COL6A2: variants seen among roughly 807,000 people sequenced by gnomAD.
The protein encoded by COL6A2 is collagen alpha-2(VI) chain.
In COL6A2, 90 loss-of-function variants were observed where a neutral mutation model predicts 124.9. That is an observed-to-expected ratio of 0.72 (90% CI 0.61 to 0.86). The LOEUF (loss-of-function observed/expected upper bound fraction) is 0.86, where lower values mean the gene tolerates loss of function less well. Among genes scored for constraint, COL6A2 ranks in the 40% least tolerant of loss-of-function variants. COL6A2 has a pLI of 0.00. For missense variants in COL6A2, 1,607 were observed against 1,502.5 expected, an observed-to-expected ratio of 1.07 and a Z score of -1.15; for synonymous variants, 793 against 618.2, an observed-to-expected ratio of 1.28 and a Z score of -4.19.
chr21:46,132,645 T>A lies in COL6A2; in HGVS notation c.*93T>A. Reference sequence around the variant, plus strand: ...GGTCCCACACGGCCAGCACCGCTGCTCACTCGGACGACGCCCTGGGCCTGC... The same window carrying A: ...GGTCCCACACGGCCAGCACCGCTGCACACTCGGACGACGCCCTGGGCCTGC... On this transcript the variant is annotated 3_prime_UTR_variant, in exon 28 of 28. Transcript: ENST00000300527. 1 of 1,285,312 alleles carries A rather than the reference T, an allele frequency of 7.8e-7. No homozygotes were observed. The highest frequency in any genetic ancestry group is 1.1e-6 in the Non-Finnish European group (1 of 919,936). 79.6% of individuals were successfully genotyped at this position (1,285,312 alleles called of 1,614,324 possible).
intron 13 of COL6A2, 41 bp from the exon 14 acceptor site, chr21:46,118,989 C>T (rs748134745): frequency 8.9e-6 from 13 of 1,462,792 alleles, no homozygotes; most frequent in South Asian, 5.7e-5. Flanking sequence ...TGCCTCAGGG[C>T]CCCTGCCTCT....
intron 27 of COL6A2, among the ~76,000 whole-genome samples, chr21:46,128,523 C>G (rs958287874): frequency 7.9e-5 from 12 of 151,288 alleles, no homozygotes; most frequent in African/African-American, 2.9e-4. Context: ...CCCTGTCCAC[C>G]CCAAAGCCCA....
Position 46,125,809 on chromosome 21 carries a change from A to G in COL6A2, c.1994A>G (p.Tyr665Cys). 6.2e-7 allele frequency: 1 copy of G among 1,612,116 alleles called. No homozygotes were observed. The highest frequency in any genetic ancestry group is 8.5e-7 in the Non-Finnish European group (1 of 1,179,694). ...ETGTRVGVVQ[Y>C]SHEGTFEAIQ... is the part of the protein sequence containing the mutation. ...GGGACGCGTGTGGGCGTGGTGCAGTACAGCCACGAGGGCACCTTTGAGGCC... is the reference window on the plus strand; with the variant it reads ...GGGACGCGTGTGGGCGTGGTGCAGTGCAGCCACGAGGGCACCTTTGAGGCC... Residue 665 changes from tyrosine (Y) to cysteine (C), a missense_variant, in exon 26 of 28, where the codon TAC (tyrosine) becomes TGC (cysteine). Physicochemically the swap from Tyr to Cys is radical, Grantham distance 194. Transcript: ENST00000300527.
chr21:46,128,087 C>T (rs1426341397), intron 27 of COL6A2, among the ~76,000 whole-genome samples: 6 of 152,298 alleles, frequency 3.9e-5, no homozygotes, highest in East Asian at 1.9e-4. Context: ...ACGTGGGCCT[C>T]GTAGGGTCCT....
In COL6A2 at chr21:46,122,537, T is replaced by C; in HGVS notation, c.1608+6T>C. The C allele has an allele frequency of 6.2e-7, 1 of 1,612,596 alleles. No homozygotes were observed. On this transcript the variant is annotated splice_donor_region_variant and intron_variant, in intron 20 of 27. Transcript: ENST00000300527. ...CCGGCCCACGCGGCCCCGAGGTATG[T>C]GTGGGTCCTGGCCACCTGTGCCCAC...
At chr21:46,126,375 G>C (rs989827898) in intron 26 of COL6A2, 128 bp from the exon 27 acceptor site, 15 of 1,513,338 alleles carry the variant, frequency 9.9e-6, no homozygotes, top group Middle Eastern at 3.4e-4. Flanking sequence ...GAAGGGGTCG[G>C]GCCCTCTCGG....
chr21:46,125,829 G>C lies in COL6A2; in HGVS notation c.2014G>C (p.Glu672Gln), dbSNP rs1185879331. The part of the protein sequence containing the change: ...VVQYSHEGTF[E>Q]AIQLDDERID... Reference sequence around the variant, plus strand: ...GCAGTACAGCCACGAGGGCACCTTTGAGGCCATCCAGCTGGACGACGAACG... The same window carrying C: ...GCAGTACAGCCACGAGGGCACCTTTCAGGCCATCCAGCTGGACGACGAACG... The change falls in exon 26 of 28, where the codon GAG (glutamate) becomes CAG (glutamine). Residue 672 changes from glutamate to glutamine, a missense_variant. By Grantham distance (29) the Glu-to-Gln change is conservative. This residue lies in a region of COL6A2 where 1,223 missense variants were observed against 1,052.2 expected (regional missense o/e 1.16). Coordinates refer to ENST00000300527, the MANE Select transcript of COL6A2 (RefSeq NM_001849.4). 1 of 1,612,824 alleles carries C rather than the reference G, an allele frequency of 6.2e-7. No homozygotes were observed. The highest frequency in any genetic ancestry group is 1.1e-5 in the South Asian group (1 of 91,072).
rs1446987348 is a variant in COL6A2, at chr21:46,118,689, G to GCCT, written c.1179+15_1179+17dup. On this transcript the variant is annotated intron_variant, in intron 13 of 27. Coordinates refer to ENST00000300527, the MANE Select transcript of COL6A2 (RefSeq NM_001849.4). Reference sequence around the variant, plus strand: ...CAAGGGAAGCAAGGTGAGCCCCTCTGCCTCTTCGCCTGCAGCTGAGCTGGC... The same window carrying GCCT: ...CAAGGGAAGCAAGGTGAGCCCCTCTGCCTCCTCTTCGCCTGCAGCTGAGCTGGC... The GCCT allele has an allele frequency of 6.9e-6, 11 of 1,605,722 alleles. No individual in the cohort carries two copies. Among genetic ancestry groups the GCCT allele is most frequent in the African/African-American group, 1.3e-5 (1 of 74,910 alleles).
In COL6A2 at chr21:46,125,795, G is replaced by A. The variant is rs201427728; in HGVS notation, c.1980G>A (p.Val660=). ...GCGTGCGGCTTGCAGGGACGCGTGTGGGCGTGGTGCAGTACAGCCACGAGG... is the reference window on the plus strand; with the variant it reads ...GCGTGCGGCTTGCAGGGACGCGTGTAGGCGTGGTGCAGTACAGCCACGAGG... The part of the protein sequence containing the change: ...KDPKSETGTR[V]GVVQYSHEGT... The change falls in exon 26 of 28, where the codon GTG becomes GTA. Residue 660 remains valine (V), a synonymous_variant. Coordinates refer to ENST00000300527, the MANE Select transcript of COL6A2 (RefSeq NM_001849.4). The A allele has an allele frequency of 1.9e-6, 3 of 1,611,590 alleles. No individual in the cohort carries two copies. Among genetic ancestry groups the A allele is most frequent in the Non-Finnish European group, 2.5e-6 (3 of 1,178,956 alleles).
chr21:46,108,110 T>A (rs915277575), intron 1 of COL6A2, among the ~76,000 whole-genome samples: 32 of 151,562 alleles, frequency 2.1e-4, no homozygotes, highest in African/African-American at 6.3e-4. Context: ...ATATATATTT[T>A]TTTTTCTCTT....
chr21:46,132,403 C>A lies in COL6A2; in HGVS notation c.2911C>A (p.Pro971Thr). 1 of 1,609,016 alleles carries A rather than the reference C, an allele frequency of 6.2e-7. No homozygotes were observed. The highest frequency in any genetic ancestry group is 8.5e-7 in the Non-Finnish European group (1 of 1,178,688). ...CTCCATGCGCAAGCAGAACGTGGTA[C>A]CCACCGTGCTGGCCTTGGGCAGCGA... The part of the protein sequence containing the change: ...AHSMRKQNVV[P>T]TVLALGSDVD... The change falls in exon 28 of 28, where the codon CCC becomes ACC. Residue 971 changes from proline (P) to threonine (T), a missense_variant. Pro to Thr is a conservative substitution (Grantham distance 38, BLOSUM62 -1). Coordinates refer to ENST00000300527, the MANE Select transcript of COL6A2 (RefSeq NM_001849.4).
rs886044689 is a variant in COL6A2, at chr21:46,132,059, T to C, written c.2567T>C (p.Val856Ala). 1.2e-6 allele frequency: 2 copies of C among 1,606,524 alleles called. No individual in the cohort carries two copies. Among genetic ancestry groups the C allele is most frequent in the South Asian group, 1.1e-5 (1 of 90,768 alleles). ...EQNFHKARRF[V>A]EQVARRLTLA... ...AACTTCCACAAGGCCCGGCGCTTCG[T>C]GGAGCAGGTGGCGCGGCGGCTGACG... Residue 856 changes from valine (V) to alanine (A), a missense_variant, in exon 28 of 28, where the codon GTG (valine) becomes GCG (alanine). Coordinates refer to ENST00000300527, the MANE Select transcript of COL6A2 (RefSeq NM_001849.4).
chr21:46,115,014 T>A (rs1168957591), intron 5 of COL6A2, among the ~76,000 whole-genome samples: 1 of 152,248 alleles, frequency 6.6e-6, no homozygotes, highest in African/African-American at 2.4e-5. Flanking sequence ...GGATGAGACA[T>A]CTCGAGGCTG....
chr21:46,121,155 T>G (rs745310799), intron 17 of COL6A2, 32 bp downstream of exon 17: 2 of 1,608,588 alleles, frequency 1.2e-6, no homozygotes, highest in Non-Finnish European at 1.7e-6. Context: ...CGGTGCCCTC[T>G]GACCCCACGG....
chr21:46,124,510 G>A (rs1394650619), intron 21 of COL6A2, 141 bp from the exon 22 acceptor site: 8 of 733,922 alleles, frequency 1.1e-5, no homozygotes, highest in African/African-American at 8.8e-5. Flanking sequence ...AGGAGGCACA[G>A]CCTTGTCTTA....
At chr21:46,110,835 G>C (rs929689144) in intron 1 of COL6A2, among the ~76,000 whole-genome samples, 4 of 44,220 alleles carry the variant, frequency 9.0e-5, no homozygotes, top group African/African-American at 2.2e-4. Flanking sequence ...CAAGCCACAG[G>C]GCATCAGGGA....
chr21:46,119,758 C>A, intron 14 of COL6A2, 30 bp from the exon 15 acceptor site: 1 of 1,551,300 alleles, frequency 6.4e-7, no homozygotes, highest in East Asian at 2.4e-5. Context: ...ACTCAGCCCC[C>A]TCCCTCACCC....
chr21:46,117,586 C>T, intron 11 of COL6A2, 133 bp downstream of exon 11: 2 of 946,898 alleles, frequency 2.1e-6, no homozygotes, highest in South Asian at 2.8e-5. Flanking sequence ...CCCAGCAGCC[C>T]CAGCCCAGCA....
In COL6A2 at chr21:46,132,452, C is replaced by A; in HGVS notation, c.2960C>A (p.Thr987Lys). The change falls in exon 28 of 28, where the codon ACG becomes AAG. Residue 987 changes from threonine (T) to lysine (K), a missense_variant. By Grantham distance (78) the Thr-to-Lys change is moderately conservative. This residue lies in a region of COL6A2 where 1,223 missense variants were observed against 1,052.2 expected (regional missense o/e 1.16). Transcript: ENST00000300527. Reference protein sequence around the residue: ...GSDVDMDVLTTLSLGDRAAVF... With the variant: ...GSDVDMDVLTKLSLGDRAAVF... Reference sequence around the variant, plus strand: ...GACGTGGACATGGACGTGCTCACCACGCTCAGCCTGGGTGACCGCGCCGCC... The same window carrying A: ...GACGTGGACATGGACGTGCTCACCAAGCTCAGCCTGGGTGACCGCGCCGCC... 3 of 1,606,426 alleles carry A rather than the reference C, an allele frequency of 1.9e-6. No individual in the cohort carries two copies. The highest frequency in any genetic ancestry group is 2.5e-6 in the Non-Finnish European group (3 of 1,176,872).
Sources: allele counts gnomAD v4.1 joint callset (sites outside exome capture counted in the v4.1 genomes callset), GRCh38; gene constraint gnomAD v4.1.1; regional missense constraint gnomAD v4.1.1; transcripts MANE v1.5; gene names NCBI Gene and HGNC (gene_info 2026-07-23, HGNC 2026-07-21).